The following CSTF3 variants were observed in gnomAD, a reference collection of about 807,000 sequenced individuals.
CSTF3 encodes cleavage stimulation factor subunit 3, also known as CF-1 77 kDa subunit.
Under a neutral mutation model 105.8 loss-of-function variants are expected in CSTF3, and 29 were observed. The ratio of observed to expected loss-of-function variants is 0.27; its 90% CI spans 0.20 to 0.37. The LOEUF is 0.37. Ranked by LOEUF, CSTF3 falls within the 10% of genes least tolerant of loss-of-function variation. CSTF3 has a pLI of 1.00. For missense variants in CSTF3, 357 were observed against 879.3 expected, an observed-to-expected ratio of 0.41 and a Z score of 7.51; for synonymous variants, 252 against 281.9, an observed-to-expected ratio of 0.89 and a Z score of 1.06.
At chr11:33,122,873 A>T (rs1410216663) in intron 3 of CSTF3, among the ~76,000 whole-genome samples, 1 of 148,690 alleles carries the variant, frequency 6.7e-6, no homozygotes, top group East Asian at 2.0e-4. Flanking sequence ...CCGTGATCAC[A>T]CACTGCACTC....
At chr11:33,110,369 TA>T (rs1423330819) in intron 3 of CSTF3, among the ~76,000 whole-genome samples, 2 of 152,272 alleles carry the variant, frequency 1.3e-5, no homozygotes, top group East Asian at 3.9e-4. Flanking sequence ...TCGTCTGGGG[TA>T]AAGACATTTG....
chr11:33,117,591 AG>A (rs1258359385), intron 3 of CSTF3, among the ~76,000 whole-genome samples: 3 of 151,952 alleles, frequency 2.0e-5, no homozygotes, highest in African/African-American at 7.2e-5. Flanking sequence ...CTGAGGCACA[AG>A]GAGATTTAAT....
At chr11:33,113,670 A>G (rs1462048809) in intron 3 of CSTF3, among the ~76,000 whole-genome samples, 5 of 152,230 alleles carry the variant, frequency 3.3e-5, no homozygotes, top group Admixed American at 3.3e-4. Context: ...AAATTTTTTA[A>G]ATCTTCAACT....
chr11:33,085,655 A>G (rs916511767), intron 20 of CSTF3, 58 bp downstream of exon 20: 22 of 1,404,396 alleles, frequency 1.6e-5, no homozygotes, highest in Non-Finnish European at 2.0e-5. Flanking sequence ...AATAATCTCT[A>G]CTGCCTATGA....
At chr11:33,124,082 A>G (rs425468) in intron 3 of CSTF3, among the ~76,000 whole-genome samples, 84,473 of 151,974 alleles carry the variant, frequency 0.56, 26,084 homozygotes, top group Non-Finnish European at 0.69. Flanking sequence ...CACAATATGC[A>G]TTATGCATAC....
At chr11:33,108,207 T>C (rs1201100377) in intron 4 of CSTF3, among the ~76,000 whole-genome samples, 179 bp downstream of exon 4, 2 of 152,176 alleles carry the variant, frequency 1.3e-5, no homozygotes, top group East Asian at 3.8e-4. Flanking sequence ...TTCTTTTCCT[T>C]TTCCAAAACT....
intron 3 of CSTF3, among the ~76,000 whole-genome samples, chr11:33,127,443 A>G (rs1041297056): frequency 6.6e-5 from 10 of 152,180 alleles, no homozygotes; most frequent in African/African-American, 2.4e-4. Context: ...CCATAAAAAC[A>G]TTTTATTTCA....
chr11:33,140,089 T>C (rs118180268), intron 3 of CSTF3, among the ~76,000 whole-genome samples: 1,534 of 152,176 alleles, frequency 0.01, 12 homozygotes, highest in Non-Finnish European at 0.014. Flanking sequence ...TACTTCACTA[T>C]ACAAAAACAA....
At chr11:33,101,362 A>G (rs1197328305) in intron 10 of CSTF3, among the ~76,000 whole-genome samples, 1 of 152,260 alleles carries the variant, frequency 6.6e-6, no homozygotes, top group Admixed American at 6.5e-5. Flanking sequence ...GCTGGAAGGC[A>G]GAAAGAGTTA....
intron 3 of CSTF3, among the ~76,000 whole-genome samples, chr11:33,122,422 T>C (rs1855498866): frequency 6.6e-6 from 1 of 152,088 alleles, no homozygotes; most frequent in Admixed American, 6.6e-5. Flanking sequence ...CAAATCAGTT[T>C]TCAGGAAAAA....
intron 3 of CSTF3, among the ~76,000 whole-genome samples, chr11:33,121,134 A>G (rs1305888626): frequency 6.6e-6 from 1 of 152,130 alleles, no homozygotes; most frequent in East Asian, 1.9e-4. Flanking sequence ...TAGCCATGTA[A>G]AAGATGGGAA....
At chr11:33,103,425 GAACTT>G (rs1356383929) in intron 8 of CSTF3, among the ~76,000 whole-genome samples, 9 of 151,920 alleles carry the variant, frequency 5.9e-5, no homozygotes, top group Non-Finnish European at 1.2e-4. Context: ...CATTTATCAG[GAACTT>G]TTAAAGATAG....
At chr11:33,159,595 C>CA (rs71034656) in intron 1 of CSTF3, among the ~76,000 whole-genome samples, 3,846 of 37,840 alleles carry the variant, frequency 0.1, 630 homozygotes, top group South Asian at 0.13. Context: ...GGCTCCATCT[C>CA]AAAAAAAAAA....
Position 33,099,705 on chromosome 11 carries a change from T to C in CSTF3, c.839A>G (p.Tyr280Cys). ...TLITKRVMFA[Y>C]EQCLLVLGHH... ...GCCCAGCACAAGCAGGCACTGTTCA[T>C]AAGCAAACATAACTAAGGGAAGAAA... Residue 280 changes from tyrosine to cysteine, a missense_variant, in exon 11 of 21, where the codon TAT (tyrosine) becomes TGT (cysteine). Transcript: ENST00000323959. The surrounding 1 kb of genome is among the most constrained non-coding windows in gnomAD (Gnocchi z 4.1). The C allele has an allele frequency of 6.3e-7, 1 of 1,590,064 alleles. No homozygotes were observed. Among genetic ancestry groups the C allele is most frequent in the Non-Finnish European group, 8.6e-7 (1 of 1,168,974 alleles).
chr11:33,120,834 T>C (rs1855479739), intron 3 of CSTF3, among the ~76,000 whole-genome samples: 1 of 151,990 alleles, frequency 6.6e-6, no homozygotes, highest in Non-Finnish European at 1.5e-5. Flanking sequence ...ATGAAAAATG[T>C]AAATGTATAA....
Position 33,090,702 on chromosome 11 carries a change from A to G in CSTF3, c.1471T>C (p.Phe491Leu). Residue 491 changes from phenylalanine (F) to leucine (L), a missense_variant, in exon 17 of 21, where the codon TTT (phenylalanine) becomes CTT (leucine). By Grantham distance (22) the Phe-to-Leu change is conservative. This residue lies in a region of CSTF3 where 206 missense variants were observed against 576.5 expected (regional missense o/e 0.36). Coordinates refer to ENST00000323959, the MANE Select transcript of CSTF3 (RefSeq NM_001326.3). ...GCTAGATCACCAATATTACTTTCAAATGCTAGAAATCGGGCCCAGATTTCT... is the reference window on the plus strand; with the variant it reads ...GCTAGATCACCAATATTACTTTCAAGTGCTAGAAATCGGGCCCAGATTTCT... ...SGEIWARFLA[F>L]ESNIGDLASI... 6.4e-7 allele frequency: 1 copy of G among 1,552,032 alleles called. No homozygotes were observed. Among genetic ancestry groups the G allele is most frequent in the Non-Finnish European group, 8.7e-7 (1 of 1,153,168 alleles).
chr11:33,106,122 C>T, intron 5 of CSTF3, 58 bp from the exon 6 acceptor site: 2 of 1,340,376 alleles, frequency 1.5e-6, no homozygotes, highest in Non-Finnish European at 2.1e-6. Context: ...AATTTATCTA[C>T]AATTAGGCCA....
At position 33,084,734 on chromosome 11, in the gene CSTF3, A is replaced by G. The variant is rs1033349348; in HGVS notation, c.*353T>C. 9.6e-5 allele frequency: 22 copies of G among 228,384 alleles called. No individual in the cohort carries two copies. Among genetic ancestry groups the G allele is most frequent in the Non-Finnish European group, 1.2e-4 (14 of 113,710 alleles). 14.1% of individuals were successfully genotyped at this position (228,384 alleles called of 1,614,324 possible). ...AATTGTTTTCAGAAAATGTGATAAA[A>G]TGCTTTACAATCATAAGCCATCCAG... On this transcript the variant is annotated 3_prime_UTR_variant, in exon 21 of 21. Transcript: ENST00000323959.
chr11:33,091,366 G>C (rs1372534764), intron 16 of CSTF3, among the ~76,000 whole-genome samples: 1 of 152,124 alleles, frequency 6.6e-6, no homozygotes, highest in African/African-American at 2.4e-5. Context: ...TATATTAAGT[G>C]CCTCTTATAT....
Sources: allele counts gnomAD v4.1 joint callset (sites outside exome capture counted in the v4.1 genomes callset), GRCh38; gene constraint gnomAD v4.1.1; regional missense constraint gnomAD v4.1.1; non-coding constraint Gnocchi (gnomAD v3.1); transcripts MANE v1.5; gene names NCBI Gene and HGNC (gene_info 2026-07-23, HGNC 2026-07-21).